Variants in GYPB observed in about 807,000 individuals in gnomAD.
GYPB encodes the protein glycophorin-B.
Under a neutral mutation model 15.3 loss-of-function variants are expected in GYPB, and 13 were observed. The observed-to-expected ratio is 0.85, with a 90% CI of 0.55 to 1.35. The LOEUF (loss-of-function observed/expected upper bound fraction) is 1.35. Among genes scored for constraint, GYPB ranks in the 40% most tolerant of loss-of-function variants. The pLI is 0.00. For synonymous variants in GYPB, 38 were observed against 36.9 expected, an observed-to-expected ratio of 1.03 and a Z score of -0.11; for missense variants, 131 against 108.3, an observed-to-expected ratio of 1.21 and a Z score of -0.93.
chr4:143,997,010 A>C (rs1218736469), intron 4 of GYPB, among the ~76,000 whole-genome samples: 1 of 150,794 alleles, frequency 6.6e-6, no homozygotes, highest in Non-Finnish European at 1.5e-5. Context: ...AGGCTCAAGC[A>C]ATCCTCCCAC....
intron 1 of GYPB, among the ~76,000 whole-genome samples, chr4:144,005,875 A>C (rs1316693979): frequency 1.3e-5 from 2 of 151,572 alleles, no homozygotes; most frequent in African/African-American, 4.9e-5. Context: ...TTTTAGGTGA[A>C]GATGCAGAGG....
At chr4:144,004,969 T>A (rs35563690) in intron 1 of GYPB, among the ~76,000 whole-genome samples, 16,235 of 123,914 alleles carry the variant, frequency 0.13, no homozygotes, top group South Asian at 0.19. Context: ...AACTTTAGTT[T>A]GCCAAAACTG....
downstream of GYPB, among the ~76,000 whole-genome samples, chr4:143,995,540 C>T (rs554091718): frequency 4.6e-5 from 7 of 151,348 alleles, no homozygotes; most frequent in Middle Eastern, 3.4e-3. Context: ...GCGTGGGCAT[C>T]CTGGAGTCCC....
chr4:144,015,596 T>A (rs182595443), intron 1 of GYPB, among the ~76,000 whole-genome samples: 1,873 of 151,522 alleles, frequency 0.012, 139 homozygotes, highest in African/African-American at 0.044. Context: ...AAGAAATTTA[T>A]CACAAGAATG....
intron 1 of GYPB, among the ~76,000 whole-genome samples, chr4:144,015,575 A>G (rs191556910): frequency 0.012 from 1,873 of 151,528 alleles, 139 homozygotes; most frequent in African/African-American, 0.044. Context: ...TCTTCTAGAA[A>G]CCAAGGTGAA....
At position 144,015,268 on chromosome 4, in the gene GYPB, G is replaced by A. The variant is rs200597608; in HGVS notation, c.37+3983C>T. Among the ~76,000 whole-genome samples the A allele has an allele frequency of 8.2e-4, 124 of 151,176 alleles. 1 individual carries two copies. The East Asian group carries it at 0.023, about 28-fold the overall frequency. On this transcript the variant is annotated intron_variant, in intron 1 of 4. Coordinates refer to ENST00000502664, the MANE Select transcript of GYPB (RefSeq NM_002100.6). The stretch of plus-strand genomic sequence containing the variant: ...TTACAATCCCAACACTCAGAGATAA[G>A]CCCGGAATTTTTTTTCAAGATTTTT...
At chr4:144,008,050 ATC>A (rs1364204904) in intron 1 of GYPB, among the ~76,000 whole-genome samples, 1 of 151,466 alleles carries the variant, frequency 6.6e-6, no homozygotes, top group Non-Finnish European at 1.5e-5. Flanking sequence ...CATTCCACAC[ATC>A]TCTCTAACCA....
intron 2 of GYPB, chr4:144,000,530 T>C: frequency 2.3e-6 from 1 of 431,746 alleles, no homozygotes; most frequent in Non-Finnish European, 4.1e-6. Flanking sequence ...TGCGTGGACA[T>C]ACAGCGTATC....
At chr4:144,019,072 T>C (rs550751455) in intron 1 of GYPB, among the ~76,000 whole-genome samples, 179 bp downstream of exon 1, 3 of 151,480 alleles carry the variant, frequency 2.0e-5, no homozygotes, top group African/African-American at 7.4e-5. Flanking sequence ...TGGGCTCCCT[T>C]GTGTCATTTC....
In GYPB at chr4:144,001,284, C is replaced by G. The variant is rs746242929; in HGVS notation, c.38-1G>C. On this transcript the variant is annotated splice_acceptor_variant, in intron 1 of 4. Transcript: ENST00000502664. LOFTEE classifies it high-confidence loss of function. ...CTTAATGCTGATATGCTCACAATTTCTGTATAAAATAGAAGTTGAGAAAGG... is the reference window on the plus strand; with the variant it reads ...CTTAATGCTGATATGCTCACAATTTGTGTATAAAATAGAAGTTGAGAAAGG... 3.7e-6 allele frequency: 6 copies of G among 1,612,818 alleles called. No homozygotes were observed. In the South Asian group the frequency reaches 6.6e-5, roughly 18 times the overall value.
chr4:144,004,916 T>A (rs1727818103), intron 1 of GYPB, among the ~76,000 whole-genome samples: 2 of 151,698 alleles, frequency 1.3e-5, no homozygotes, highest in Admixed American at 1.3e-4. Flanking sequence ...TTCAGTAAAC[T>A]GGGTAGAAAG....
intron 1 of GYPB, among the ~76,000 whole-genome samples, chr4:144,018,041 T>C (rs1174346840): frequency 2.0e-5 from 3 of 151,378 alleles, no homozygotes; most frequent in Admixed American, 6.6e-5. Flanking sequence ...TAATATTACT[T>C]ATATTATTAA....
At chr4:143,997,762 T>G (rs879280573) in intron 3 of GYPB, 128 bp from the exon 4 acceptor site, 4 of 636,622 alleles carry the variant, frequency 6.3e-6, no homozygotes, top group Non-Finnish European at 1.2e-5. Context: ...CATACTATTA[T>G]GTGTATTTTG....
intron 1 of GYPB, among the ~76,000 whole-genome samples, chr4:144,012,082 G>T (rs1292886518): frequency 6.6e-6 from 1 of 151,936 alleles, no homozygotes; most frequent in African/African-American, 2.4e-5. Flanking sequence ...CATATAAAAA[G>T]GAGCAAAAGG....
chr4:144,019,012 G>GAAT (rs1346696776), intron 1 of GYPB, among the ~76,000 whole-genome samples: 1 of 151,220 alleles, frequency 6.6e-6, no homozygotes, highest in Non-Finnish European at 1.5e-5. Context: ...GCTAGACTTA[G>GAAT]AATTGAAGTA....
intron 1 of GYPB, 83 bp downstream of exon 1, chr4:144,019,168 A>G: frequency 6.2e-7 from 1 of 1,601,738 alleles, no homozygotes; most frequent in South Asian, 1.1e-5. Flanking sequence ...TAAATAAGAT[A>G]GAACTGAAAT....
rs1449151216 is a variant in GYPB, at chr4:143,999,449, C to T, written c.137G>A (p.Gly46Glu). 2.7e-6 allele frequency: 4 copies of T among 1,483,788 alleles called. No individual in the cohort carries two copies. The highest frequency in any genetic ancestry group is 9.4e-7 in the Non-Finnish European group (1 of 1,067,854). The allele number at this position is 1,483,788 out of a possible 1,614,324, so 91.9% of individuals were successfully genotyped here. A position where few individuals can be genotyped will look rare whatever the true frequency, so the allele number is the denominator to read the frequency against. The change falls in exon 3 of 5, where the codon GGA becomes GAA. Residue 46 changes from glycine (G) to glutamate (E), a missense_variant and splice_region_variant. Coordinates refer to ENST00000502664, the MANE Select transcript of GYPB (RefSeq NM_002100.6). ...ACGATGGACAAGTTGTCCCGTTTCT[C>T]CTATAAAGCAAAATTTCAATGTAAG... ...TKSYISSQTN[G>E]ETGQLVHRFT...
intron 2 of GYPB, among the ~76,000 whole-genome samples, chr4:144,000,780 T>A (rs577778189): frequency 1.4e-4 from 21 of 151,164 alleles, no homozygotes; most frequent in Non-Finnish European, 2.4e-4. Context: ...GGCCCCATTT[T>A]AAAATTAATG....
chr4:143,996,236 A>G lies in GYPB; in HGVS notation c.*63T>C, dbSNP rs1343740363. On this transcript the variant is annotated 3_prime_UTR_variant, in exon 5 of 5. Coordinates refer to ENST00000502664, the MANE Select transcript of GYPB (RefSeq NM_002100.6). ...AATAGCAGGTGCAGCCAGTTTGCAT[A>G]AACAAGAGAACAGCAGGTGCAGCCG... 7 of 1,550,072 alleles carry G rather than the reference A, an allele frequency of 4.5e-6. No individual in the cohort carries two copies. The African/African-American group carries it at 6.9e-5, about 15-fold the overall frequency.
Sources: gnomAD v4.1 joint callset for allele counts (sites outside exome capture counted in the v4.1 genomes callset) on GRCh38, gnomAD v4.1.1 for gene constraint, MANE v1.5 for transcripts, NCBI Gene and HGNC (gene_info 2026-07-23, HGNC 2026-07-21) for gene names.